ANO3: variants seen among roughly 807,000 people sequenced by gnomAD.
ANO3 encodes the protein anoctamin 3.
Under a neutral mutation model 144.8 loss-of-function variants are expected in ANO3, and 99 were observed. The ratio of observed to expected loss-of-function variants is 0.68; its 90% CI spans 0.58 to 0.81. The LOEUF is 0.81. Ranked by LOEUF, ANO3 falls within the 30% of genes least tolerant of loss-of-function variation. The pLI, the probability that ANO3 is intolerant of heterozygous loss-of-function variation, is 0.00. For missense variants in ANO3, 905 were observed against 1,202.2 expected (o/e 0.75, Z 3.66); for synonymous variants, 414 against 392.6 (o/e 1.05, Z -0.64).
intron 1 of ANO3, among the ~76,000 whole-genome samples, chr11:26,334,711 G>C (rs1414949647): frequency 6.6e-6 from 1 of 152,202 alleles, no homozygotes; most frequent in Non-Finnish European, 1.5e-5. Context: ...TCTGTGACCA[G>C]ATAAAGAGGA....
intron 1 of ANO3, among the ~76,000 whole-genome samples, chr11:26,340,376 C>T (rs1307507500): frequency 2.0e-5 from 3 of 152,160 alleles, no homozygotes; most frequent in Non-Finnish European, 4.4e-5. Flanking sequence ...TCCATCACTA[C>T]CTGATATCTG....
intron 14 of ANO3, chr11:26,565,140 G>A: frequency 6.7e-7 from 1 of 1,486,722 alleles, no homozygotes; most frequent in East Asian, 2.3e-5. Context: ...CACACAAAAG[G>A]AAAGTTAAAA....
intron 1 of ANO3, among the ~76,000 whole-genome samples, chr11:26,285,309 G>A (rs1207398154): frequency 6.6e-6 from 1 of 152,108 alleles, no homozygotes; most frequent in African/African-American, 2.4e-5. Flanking sequence ...AAATTAAACT[G>A]TGATGGAAAA....
chr11:26,276,698 T>C (rs1043800984), intron 1 of ANO3, among the ~76,000 whole-genome samples: 1 of 152,138 alleles, frequency 6.6e-6, no homozygotes, highest in Non-Finnish European at 1.5e-5. Context: ...TCAATGCGTT[T>C]GAAATATGCT....
intron 1 of ANO3, among the ~76,000 whole-genome samples, chr11:26,301,395 A>G (rs1312040684): frequency 2.6e-5 from 4 of 152,226 alleles, no homozygotes; most frequent in Non-Finnish European, 5.9e-5. Context: ...ATGCAGTTAA[A>G]ATAATTTTAA....
intron 17 of ANO3, among the ~76,000 whole-genome samples, chr11:26,602,626 C>T (rs1851832316): frequency 6.8e-6 from 1 of 147,636 alleles, no homozygotes; most frequent in African/African-American, 2.5e-5. Context: ...GTGGTGCACA[C>T]CTGTAGTCTC....
chr11:26,468,892 C>A (rs767033913), intron 4 of ANO3, among the ~76,000 whole-genome samples: 2 of 151,822 alleles, frequency 1.3e-5, no homozygotes, highest in East Asian at 1.9e-4. Flanking sequence ...AACTTTAGTA[C>A]CTGAAGTAAC....
intron 1 of ANO3, among the ~76,000 whole-genome samples, chr11:26,319,252 G>A (rs941415440): frequency 2.0e-5 from 3 of 151,954 alleles, no homozygotes; most frequent in South Asian, 4.2e-4. Context: ...TCCCACCTCG[G>A]CCTCCCAAAG....
At chr11:26,618,914 T>C (rs1852336316) in intron 17 of ANO3, among the ~76,000 whole-genome samples, 1 of 152,212 alleles carries the variant, frequency 6.6e-6, no homozygotes, top group African/African-American at 2.4e-5. Context: ...GAATTGAATT[T>C]TGTGCTTATT....
intron 22 of ANO3, among the ~76,000 whole-genome samples, chr11:26,642,534 T>A (rs541825703): frequency 1.3e-3 from 194 of 149,450 alleles, no homozygotes; most frequent in African/African-American, 4.6e-3. Flanking sequence ...CATTTTTTAG[T>A]AGAGATGGAG....
At chr11:26,310,827 C>G (rs926191793) in intron 1 of ANO3, among the ~76,000 whole-genome samples, 1 of 152,208 alleles carries the variant, frequency 6.6e-6, no homozygotes, top group East Asian at 1.9e-4. Flanking sequence ...CTGCTTCCTT[C>G]TGCCAAAGTC....
chr11:26,226,387 A>T (rs938392612), intron 1 of ANO3, among the ~76,000 whole-genome samples: 6 of 152,150 alleles, frequency 3.9e-5, no homozygotes, highest in African/African-American at 1.4e-4. Context: ...TTTGGTTATA[A>T]ACATATTTTC....
chr11:26,501,483 C>G (rs1487633985), intron 4 of ANO3, among the ~76,000 whole-genome samples: 1 of 152,160 alleles, frequency 6.6e-6, no homozygotes, highest in Non-Finnish European at 1.5e-5. Flanking sequence ...TGAGAGCCAT[C>G]CACACTGGGA....
At chr11:26,567,460 A>G (rs910532671) in intron 14 of ANO3, among the ~76,000 whole-genome samples, 1 of 151,932 alleles carries the variant, frequency 6.6e-6, no homozygotes, top group African/African-American at 2.4e-5. Flanking sequence ...ATTAGGGTCT[A>G]CAGAGCTTCT....
intron 1 of ANO3, among the ~76,000 whole-genome samples, chr11:26,372,798 C>T (rs1326049600): frequency 1.3e-5 from 2 of 152,004 alleles, no homozygotes; most frequent in African/African-American, 4.8e-5. Flanking sequence ...GGAAAGGGGT[C>T]ATATAAAGTG....
chr11:26,450,338 G>A (rs1858881108), intron 3 of ANO3, among the ~76,000 whole-genome samples: 1 of 152,112 alleles, frequency 6.6e-6, no homozygotes, highest in African/African-American at 2.4e-5. Flanking sequence ...GCTTCCCTGT[G>A]TTGTTCATTG....
At chr11:26,460,027 A>G in intron 3 of ANO3, 1 of 437,326 alleles carries the variant, frequency 2.3e-6, no homozygotes, top group Non-Finnish European at 4.5e-6. Flanking sequence ...TGATCCAAAC[A>G]CTTCCCACCA....
In ANO3 at chr11:26,353,614, G is replaced by T. The variant is rs113016725; in HGVS notation, c.46+21293G>T. 8.1e-4 allele frequency among the ~76,000 whole-genome samples: 123 copies of T among 152,182 alleles called. 2 individuals carry two copies. The highest frequency in any genetic ancestry group is 2.8e-3 in the African/African-American group (118 of 41,508). On this transcript the variant is annotated intron_variant, in intron 1 of 26. Transcript: ENST00000256737. ...TTGGATGGAATCTCGCTGTCGCCAGGCTGGAGTGCAGTGGCGCGATCTTGG... is the reference window on the plus strand; with the variant it reads ...TTGGATGGAATCTCGCTGTCGCCAGTCTGGAGTGCAGTGGCGCGATCTTGG...
chr11:26,241,190 C>T (rs762284222), intron 1 of ANO3, among the ~76,000 whole-genome samples: 2 of 152,148 alleles, frequency 1.3e-5, no homozygotes, highest in Non-Finnish European at 2.9e-5. Flanking sequence ...TGCCTTCCAC[C>T]GTGATTGTGA....
Sources: allele counts gnomAD v4.1 joint callset (sites outside exome capture counted in the v4.1 genomes callset), GRCh38; gene constraint gnomAD v4.1.1; transcripts MANE v1.5; gene names NCBI Gene and HGNC (gene_info 2026-07-23, HGNC 2026-07-21).